Variants in AQR observed in about 807,000 individuals in gnomAD.
AQR encodes the protein aquarius intron-binding spliceosomal factor.
Under a neutral mutation model 180.5 loss-of-function variants are expected in AQR, and 61 were observed. That is an observed-to-expected ratio of 0.34 (90% confidence interval 0.28 to 0.42). AQR has a LOEUF of 0.42. AQR is among the 10% of genes least tolerant of loss of function. The pLI, the probability that AQR is intolerant of heterozygous loss-of-function variation, is 1.00. For synonymous variants in AQR, 551 were observed against 588.8 expected, an observed-to-expected ratio of 0.94 and a Z score of 0.93; for missense variants, 1,281 against 1,798.3, an observed-to-expected ratio of 0.71 and a Z score of 5.20.
rs112631837 is a variant in AQR at position 34,919,380 on chromosome 15, A to G, written c.1221+952T>C. ...AAATCATGATATCTAAACAATATGT[A>G]TGTTTTAACTTTTTGATCATAAATT... On this transcript the variant is annotated intron_variant, in intron 14 of 34. Coordinates refer to ENST00000156471, the MANE Select transcript of AQR (RefSeq NM_014691.3). 9.1e-3 allele frequency among the ~76,000 whole-genome samples: 1,392 copies of G among 152,290 alleles called. 22 individuals carry two copies. The highest frequency in any genetic ancestry group is 0.032 in the African/African-American group (1,317 of 41,560).
At chr15:34,928,862 G>A (rs1228639959) in intron 12 of AQR, among the ~76,000 whole-genome samples, 1 of 152,072 alleles carries the variant, frequency 6.6e-6, no homozygotes, top group Non-Finnish European at 1.5e-5. Flanking sequence ...TGTTTCCAGA[G>A]TTTTTAATAA....
rs1222113582 is a variant in AQR at position 34,855,524 on chromosome 15, C to T, written c.*1268G>A. ...TTTCCCCTCTACACATACATATAAACATTTCCTTTTTTTTTTTTTTTTTTC... is the reference window on the plus strand; with the variant it reads ...TTTCCCCTCTACACATACATATAAATATTTCCTTTTTTTTTTTTTTTTTTC... On this transcript the variant is annotated 3_prime_UTR_variant, in exon 35 of 35. Coordinates refer to ENST00000156471, the MANE Select transcript of AQR (RefSeq NM_014691.3). The T allele has an allele frequency of 7.9e-6, 1 of 127,256 alleles. No individual in the cohort carries two copies. The highest frequency in any genetic ancestry group is 8.5e-5 in the Admixed American group (1 of 11,822). The allele number at this position is 127,256 out of a possible 1,614,324, so 7.9% of individuals were successfully genotyped here.
intron 23 of AQR, among the ~76,000 whole-genome samples, chr15:34,891,179 T>G (rs1893141421): frequency 6.6e-6 from 1 of 152,084 alleles, no homozygotes; most frequent in Non-Finnish European, 1.5e-5. Context: ...TAACATAAAT[T>G]TTCAGAAAAA....
Position 34,870,748 on chromosome 15 carries a change from G to C in AQR, c.3768+4C>G. The C allele has an allele frequency of 6.2e-7, 1 of 1,607,134 alleles. No homozygotes were observed. Among genetic ancestry groups the C allele is most frequent in the Non-Finnish European group, 8.5e-7 (1 of 1,176,904 alleles). On this transcript the variant is annotated splice_donor_region_variant and intron_variant, in intron 31 of 34. Coordinates refer to ENST00000156471, the MANE Select transcript of AQR (RefSeq NM_014691.3). ...AAGAGAACATATTATAATTATAAAA[G>C]TACCTTGTTTGGTCTTCCAATCAAT...
chr15:34,877,850 G>A (rs1273219968), intron 27 of AQR, among the ~76,000 whole-genome samples: 1 of 152,098 alleles, frequency 6.6e-6, no homozygotes, highest in Non-Finnish European at 1.5e-5. Flanking sequence ...TGCAGGCCAG[G>A]GACCAGGCTA....
chr15:34,964,093 T>C, intron 2 of AQR, 141 bp downstream of exon 2: 1 of 653,394 alleles, frequency 1.5e-6, no homozygotes, highest in Non-Finnish European at 2.7e-6. Context: ...CATTGCTAAG[T>C]TTGATAAGCA....
At chr15:34,955,814 C>T (rs1566791234) in intron 3 of AQR, among the ~76,000 whole-genome samples, 2 of 150,278 alleles carry the variant, frequency 1.3e-5, no homozygotes, top group Non-Finnish European at 2.9e-5. Flanking sequence ...GAGGCTGAGG[C>T]AGGAGAATCA....
At chr15:34,960,152 A>G (rs1566792336) in intron 3 of AQR, among the ~76,000 whole-genome samples, 1 of 152,246 alleles carries the variant, frequency 6.6e-6, no homozygotes, top group Non-Finnish European at 1.5e-5. Context: ...CTGCAGGTGT[A>G]TATACAAAAA....
chr15:34,877,240 T>C (rs1161924961), intron 27 of AQR, among the ~76,000 whole-genome samples: 1 of 152,236 alleles, frequency 6.6e-6, no homozygotes, highest in Admixed American at 6.5e-5. Context: ...CTAATTCTGA[T>C]CGCTACTTAG....
chr15:34,901,177 T>A (rs572308782), intron 19 of AQR, among the ~76,000 whole-genome samples: 1 of 152,262 alleles, frequency 6.6e-6, no homozygotes, highest in South Asian at 2.1e-4. Context: ...CAGACTCAGG[T>A]GGACACAGCA....
Position 34,918,113 on chromosome 15 carries a change from T to C in AQR, c.1342+145A>G, listed in dbSNP as rs1893625037. 5 of 783,790 alleles carry C rather than the reference T, an allele frequency of 6.4e-6. No homozygotes were observed. The East Asian group carries it at 8.2e-5, about 13-fold the overall frequency. 48.6% of individuals were successfully genotyped at this position (783,790 alleles called of 1,614,324 possible). On this transcript the variant is annotated intron_variant, in intron 15 of 34. Transcript: ENST00000156471. ...AGCATTCAAAATACTAAATCTTTTC[T>C]AGCTTCTAAAGTTAACTTCTGGGCA... is the stretch of plus-strand genomic sequence containing the variant.
At chr15:34,917,404 A>G (rs992811889) in intron 15 of AQR, among the ~76,000 whole-genome samples, 2 of 152,328 alleles carry the variant, frequency 1.3e-5, no homozygotes, top group East Asian at 1.9e-4. Context: ...ACTTTTGCAT[A>G]TACTCAGTTG....
intron 1 of AQR, chr15:34,964,574 C>T: frequency 2.2e-6 from 1 of 458,348 alleles, no homozygotes. Context: ...CAGTTAATAA[C>T]CACAGAGCCA....
intron 27 of AQR, 62 bp downstream of exon 27, chr15:34,882,437 TAAG>T: frequency 7.5e-7 from 1 of 1,334,546 alleles, no homozygotes; most frequent in African/African-American, 1.7e-5. Flanking sequence ...ACGAACTTCA[TAAG>T]AAGTGAGCCA....
At chr15:34,869,276 T>G (rs1400784891) in intron 31 of AQR, 1 of 152,146 alleles carries the variant, frequency 6.6e-6, no homozygotes, top group Non-Finnish European at 1.5e-5. Flanking sequence ...GGTAAGCACT[T>G]TTTCATGACG....
At chr15:34,929,463 T>C (rs954927512) in intron 12 of AQR, among the ~76,000 whole-genome samples, 19 of 152,210 alleles carry the variant, frequency 1.2e-4, no homozygotes, top group Non-Finnish European at 2.8e-4. Context: ...CCCCATTGCT[T>C]GTTTTTGTCA....
At chr15:34,964,172 G>T (rs532583020) in intron 2 of AQR, 62 bp downstream of exon 2, 71 of 1,141,280 alleles carry the variant, frequency 6.2e-5, no homozygotes, top group Admixed American at 4.3e-4. Context: ...AGCTTTTGTT[G>T]AAATAACCCT....
At chr15:34,857,379 G>A (rs903115096) in intron 34 of AQR, among the ~76,000 whole-genome samples, 2 of 152,224 alleles carry the variant, frequency 1.3e-5, no homozygotes, top group Non-Finnish European at 2.9e-5. Context: ...ATACTTTGCT[G>A]TCAACATTTC....
intron 23 of AQR, among the ~76,000 whole-genome samples, chr15:34,891,478 A>G (rs1893147156): frequency 6.6e-6 from 1 of 152,192 alleles, no homozygotes; most frequent in African/African-American, 2.4e-5. Context: ...AAAACAATCA[A>G]TTCGATGGGC....
Sources: gnomAD v4.1 joint callset for allele counts (sites outside exome capture counted in the v4.1 genomes callset) on GRCh38, gnomAD v4.1.1 for gene constraint, MANE v1.5 for transcripts, NCBI Gene and HGNC (gene_info 2026-07-23, HGNC 2026-07-21) for gene names.